Variants in GRIPAP1 observed in about 807,000 individuals in gnomAD.
GRIPAP1 encodes the protein GRIP1-associated protein 1.
Under a neutral mutation model 84.1 loss-of-function variants are expected in GRIPAP1, and 14 were observed. That is an observed-to-expected ratio of 0.17 (90% CI 0.11 to 0.26). The LOEUF (loss-of-function observed/expected upper bound fraction) is 0.26. Ranked by LOEUF, GRIPAP1 falls within the 10% of genes least tolerant of loss-of-function variation. The pLI is 1.00. For missense variants in GRIPAP1, 518 were observed against 674.2 expected (o/e 0.77, Z 2.57); for synonymous variants, 261 against 256.8 (o/e 1.02, Z -0.15).
In GRIPAP1 at chrX:48,976,215, TGGGCAGGC is replaced by T. The variant is rs1180998977; in HGVS notation, c.2184+18_2184+25del. 8.5e-7 allele frequency: 1 copy of T among 1,175,711 alleles called. No individual in the cohort carries two copies. Among genetic ancestry groups the T allele is most frequent in the Non-Finnish European group, 1.1e-6 (1 of 877,819 alleles). On this transcript the variant is annotated intron_variant, in intron 23 of 25. Transcript: ENST00000376423. Reference sequence around the variant, plus strand: ...CCCACAAGGGCACTTCAAGTGGGGATGGGCAGGCAGGCAGGCAGGCAGCACCTTCTCCT... The same window carrying T: ...CCCACAAGGGCACTTCAAGTGGGGATAGGCAGGCAGGCAGCACCTTCTCCT...
At chrX:48,985,050 A>T (rs912385971) in intron 14 of GRIPAP1, among the ~76,000 whole-genome samples, 1 of 111,729 alleles carries the variant, frequency 9.0e-6, no homozygotes, top group African/African-American at 3.3e-5. Context: ...ATTAAAATTT[A>T]AAAAATGAAA....
chrX:48,988,946 G>C (rs1387027581), intron 11 of GRIPAP1, among the ~76,000 whole-genome samples: 1 of 110,713 alleles, frequency 9.0e-6, no homozygotes, highest in Non-Finnish European at 1.9e-5. Context: ...AAACCCAGAG[G>C]CTTCAGAACC....
chrX:48,987,740 G>C, intron 13 of GRIPAP1, 45 bp downstream of exon 13: 1 of 792,785 alleles, frequency 1.3e-6, no homozygotes, highest in Non-Finnish European at 1.9e-6. Flanking sequence ...GATGGAGATG[G>C]GGGAACTGGA....
At position 48,981,257 on chromosome X, in the gene GRIPAP1, C is replaced by G; in HGVS notation, c.1888G>C (p.Glu630Gln). 1 of 1,210,694 alleles carries G rather than the reference C, an allele frequency of 8.3e-7. No homozygotes were observed. Among genetic ancestry groups the G allele is most frequent in the African/African-American group, 1.7e-5 (1 of 57,918 alleles). ...TTAGTGAGGATGTCCTGCAGTCGCT[C>G]CTGCAGCTTATCTGCCCGTTTCCGC... ...LERKRADKLQ[E>Q]RLQDILTNSK... The change falls in exon 21 of 26, where the codon GAG (glutamate) becomes CAG (glutamine). Residue 630 changes from glutamate (E) to glutamine (Q), a missense_variant. Transcript: ENST00000376423.
At chrX:48,977,955 A>C in intron 22 of GRIPAP1, 1 of 151,494 alleles carries the variant, frequency 6.6e-6, no homozygotes, top group East Asian at 1.6e-4. Context: ...AGTGGCTGGT[A>C]AGGAGGCTGA....
intron 21 of GRIPAP1, among the ~76,000 whole-genome samples, chrX:48,979,150 C>T (rs782418273): frequency 9.1e-6 from 1 of 109,379 alleles, no homozygotes; most frequent in Admixed American, 9.8e-5. Flanking sequence ...AAACTGAGAC[C>T]CTGGTGAAAG....
At chrX:48,982,077 T>C (rs2064460886) in intron 17 of GRIPAP1, among the ~76,000 whole-genome samples, 1 of 112,944 alleles carries the variant, frequency 8.9e-6, no homozygotes. Context: ...ATTTACATTT[T>C]ATTTTATTTA....
chrX:48,976,177 G>A (rs1469828974), intron 23 of GRIPAP1, 64 bp downstream of exon 23: 1 of 1,188,811 alleles, frequency 8.4e-7, no homozygotes, highest in Non-Finnish European at 1.1e-6. Flanking sequence ...GGCGGGCCCG[G>A]GCAGACCCCA....
chrX:48,995,899 A>G (rs960326450), intron 5 of GRIPAP1, among the ~76,000 whole-genome samples: 27 of 111,694 alleles, frequency 2.4e-4, no homozygotes, highest in African/African-American at 8.8e-4. Context: ...CCGGCCATAA[A>G]ACTTTTAAAA....
At chrX:48,999,558 T>C (rs782677779) in intron 1 of GRIPAP1, 54 bp from the exon 2 acceptor site, 5 of 885,459 alleles carry the variant, frequency 5.6e-6, no homozygotes, top group Admixed American at 2.4e-5. Flanking sequence ...CCCCTACCCC[T>C]ACCATGAGGG....
chrX:48,974,240 A>C lies in GRIPAP1; in HGVS notation c.2479T>G (p.Cys827Gly). The change falls in exon 26 of 26, where the codon TGC becomes GGC. Residue 827 changes from cysteine to glycine, a missense_variant. Coordinates refer to ENST00000376423, the MANE Select transcript of GRIPAP1 (RefSeq NM_020137.5). ...SQEIVRLSKE[C>G]VGPPDPDLEP... Reference sequence around the variant, plus strand: ...AGGTCTGGGTCAGGAGGCCCCACGCACTCCTTGCTGAGCCGCACAATTTCC... The same window carrying C: ...AGGTCTGGGTCAGGAGGCCCCACGCCCTCCTTGCTGAGCCGCACAATTTCC... The C allele has an allele frequency of 8.3e-7, 1 of 1,207,895 alleles. No homozygotes were observed. Among genetic ancestry groups the C allele is most frequent in the South Asian group, 1.8e-5 (1 of 56,784 alleles).
At chrX:48,985,027 AAAATT>A (rs1272322938) in intron 14 of GRIPAP1, among the ~76,000 whole-genome samples, 66 of 111,848 alleles carry the variant, frequency 5.9e-4, no homozygotes, top group Middle Eastern at 4.6e-3. Context: ...ATCTCAAAAA[AAAATT>A]AAATTAAATT....
intron 17 of GRIPAP1, among the ~76,000 whole-genome samples, chrX:48,982,711 TTTCCTG>T (rs2064464467): frequency 8.9e-6 from 1 of 112,614 alleles, no homozygotes; most frequent in South Asian, 3.7e-4. Context: ...ATTGCATTAA[TTTCCTG>T]ACAGAAGTAC....
chrX:48,998,235 A>C, intron 3 of GRIPAP1, 55 bp from the exon 4 acceptor site: 2 of 903,535 alleles, frequency 2.2e-6, no homozygotes, highest in Non-Finnish European at 3.2e-6. Context: ...GGACTGCCTT[A>C]CTAGGATATG....
Position 48,999,480 on chromosome X carries a change from T to C in GRIPAP1, c.67A>G (p.Asn23Asp), listed in dbSNP as rs782002334. ...AGTTCATCTGAAAGCTGGTAGTTGT[T>C]TGTCCGGAGTTCCAGGAGCTGAGCC... ...MQAQLLELRT[N>D]NYQLSDELRK... The change falls in exon 2 of 26, where the codon AAC becomes GAC. Residue 23 changes from asparagine to aspartate, a missense_variant. Coordinates refer to ENST00000376423, the MANE Select transcript of GRIPAP1 (RefSeq NM_020137.5). 8.3e-7 allele frequency: 1 copy of C among 1,206,450 alleles called. No homozygotes were observed. The highest frequency in any genetic ancestry group is 2.2e-5 in the Admixed American group (1 of 45,918).
chrX:48,991,388 TC>T, intron 6 of GRIPAP1: 1 of 312,285 alleles, frequency 3.2e-6, no homozygotes, highest in Non-Finnish European at 5.6e-6. Context: ...CAAGTGATTC[TC>T]CCACCTCACT....
intron 21 of GRIPAP1, 106 bp from the exon 22 acceptor site, chrX:48,978,541 A>G (rs1330840962): frequency 7.0e-6 from 5 of 718,330 alleles, no homozygotes; most frequent in African/African-American, 4.5e-5. Flanking sequence ...GGAAAGAGAG[A>G]CACCTGGGCA....
chrX:49,000,137 G>A (rs1273999064), intron 1 of GRIPAP1, among the ~76,000 whole-genome samples: 4 of 109,541 alleles, frequency 3.7e-5, no homozygotes, highest in East Asian at 2.9e-4. Context: ...AGGCCAAGGC[G>A]GGTGGGTCAC....
At chrX:48,975,915 C>T (rs191250141) in intron 24 of GRIPAP1, 103 bp downstream of exon 24, 7 of 648,750 alleles carry the variant, frequency 1.1e-5, no homozygotes, top group South Asian at 2.6e-5. Flanking sequence ...TCAGTAGCTT[C>T]GCTGAGTTCC....
Sources: allele counts gnomAD v4.1 joint callset (sites outside exome capture counted in the v4.1 genomes callset), GRCh38; gene constraint gnomAD v4.1.1; transcripts MANE v1.5; gene names NCBI Gene and HGNC (gene_info 2026-07-23, HGNC 2026-07-21).